The following FBXL7 variants were observed in gnomAD, a reference collection of about 807,000 sequenced individuals.
FBXL7 encodes the protein F-box/LRR-repeat protein 7.
Under a neutral mutation model 38.3 loss-of-function variants are expected in FBXL7, and 12 were observed. The observed-to-expected ratio is 0.31, with a 90% confidence interval of 0.20 to 0.51. The LOEUF (loss-of-function observed/expected upper bound fraction) is 0.51, where lower values mean the gene tolerates loss of function less well. FBXL7 is among the 20% of genes least tolerant of loss of function. The pLI is 0.98. For missense variants in FBXL7, 567 were observed against 676.4 expected (o/e 0.84, Z 1.79); for synonymous variants, 297 against 300.9 (o/e 0.99, Z 0.13).
chr5:15,778,686 A>G (rs1205270547), intron 2 of FBXL7, among the ~76,000 whole-genome samples: 1 of 152,094 alleles, frequency 6.6e-6, no homozygotes, highest in African/African-American at 2.4e-5. Context: ...AATCAGTCCA[A>G]GAAGGATCTT....
chr5:15,724,248 TC>T (rs898651614), intron 2 of FBXL7, among the ~76,000 whole-genome samples: 5 of 152,158 alleles, frequency 3.3e-5, no homozygotes, highest in Non-Finnish European at 5.9e-5. Context: ...GCTTAAAACT[TC>T]CTTTTTAAAA....
At chr5:15,589,126 C>T (rs140059623) in intron 1 of FBXL7, among the ~76,000 whole-genome samples, 61 of 152,240 alleles carry the variant, frequency 4.0e-4, no homozygotes, top group African/African-American at 1.4e-3. Context: ...TGCTCCTGAC[C>T]CAGCGTCTAG....
In FBXL7 at chr5:15,500,655, C is replaced by T. The variant is rs369996570; in HGVS notation, c.-22C>T. On this transcript the variant is annotated 5_prime_UTR_variant, in exon 1 of 4. In the 5' UTR this introduces an upstream ATG that the reference lacks. Coordinates refer to ENST00000504595, the MANE Select transcript of FBXL7 (RefSeq NM_012304.5). Reference sequence around the variant, plus strand: ...CGCAGCTATGGAGTGTCCCGGGAGACGGCGGGCATGACGGCTACAGGATGG... The same window carrying T: ...CGCAGCTATGGAGTGTCCCGGGAGATGGCGGGCATGACGGCTACAGGATGG... 3.3e-5 allele frequency: 54 copies of T among 1,613,304 alleles called. No individual in the cohort carries two copies. The Admixed American group carries it at 6.3e-4, about 19-fold the overall frequency.
At chr5:15,794,816 A>T (rs1192297798) in intron 2 of FBXL7, among the ~76,000 whole-genome samples, 1 of 152,162 alleles carries the variant, frequency 6.6e-6, no homozygotes, top group African/African-American at 2.4e-5. Flanking sequence ...TTTGCAACCT[A>T]ATAATAATGT....
chr5:15,756,979 A>C (rs1736314933), intron 2 of FBXL7, among the ~76,000 whole-genome samples: 1 of 152,196 alleles, frequency 6.6e-6, no homozygotes, highest in African/African-American at 2.4e-5. Context: ...CGGAAGAGTA[A>C]ATATGAAGGT....
At chr5:15,777,736 A>C (rs1423608477) in intron 2 of FBXL7, among the ~76,000 whole-genome samples, 1 of 144,978 alleles carries the variant, frequency 6.9e-6, no homozygotes, top group Admixed American at 6.9e-5. Context: ...AAAAAAAAAA[A>C]AAAAAAAAAA....
intron 2 of FBXL7, among the ~76,000 whole-genome samples, chr5:15,808,494 G>A (rs1579481251): frequency 1.3e-5 from 2 of 151,998 alleles, no homozygotes; most frequent in East Asian, 1.9e-4. Flanking sequence ...CGACACCATG[G>A]GCATGACTGT....
intron 2 of FBXL7, among the ~76,000 whole-genome samples, chr5:15,872,137 AT>A (rs1312120109): frequency 1.3e-5 from 2 of 152,220 alleles, no homozygotes; most frequent in African/African-American, 4.8e-5. Flanking sequence ...AATATTCAAC[AT>A]TCTTAAAAGA....
intron 2 of FBXL7, among the ~76,000 whole-genome samples, chr5:15,667,571 A>G (rs1742326191): frequency 6.6e-6 from 1 of 152,134 alleles, no homozygotes; most frequent in African/African-American, 2.4e-5. Context: ...TCTGTGTAAG[A>G]AAGTTGGTGG....
intron 2 of FBXL7, among the ~76,000 whole-genome samples, chr5:15,808,003 A>G (rs144496799): frequency 5.6e-4 from 86 of 152,280 alleles, no homozygotes; most frequent in Admixed American, 1.4e-3. Flanking sequence ...CTGCCTGTCC[A>G]CTGTCTTCCC....
intron 2 of FBXL7, among the ~76,000 whole-genome samples, chr5:15,768,876 T>A (rs1386603944): frequency 6.6e-6 from 1 of 152,254 alleles, no homozygotes; most frequent in Non-Finnish European, 1.5e-5. Context: ...AATGTGGGCA[T>A]TTTGATTCAT....
Position 15,551,994 on chromosome 5 carries a change from G to A in FBXL7, c.37+51281G>A, listed in dbSNP as rs922066770. Among the ~76,000 whole-genome samples, 12 of 152,220 alleles carry A rather than the reference G, an allele frequency of 7.9e-5. No individual in the cohort carries two copies. The South Asian group carries it at 8.3e-4, about 11-fold the overall frequency. On this transcript the variant is annotated intron_variant, in intron 1 of 3. Transcript: ENST00000504595. ...TTATAAACATGAAACAATGCATCCC[G>A]TTTTCCAAAGGGAAGAATGATTACT...
At chr5:15,605,138 A>G (rs1187267223) in intron 1 of FBXL7, among the ~76,000 whole-genome samples, 1 of 152,170 alleles carries the variant, frequency 6.6e-6, no homozygotes, top group Admixed American at 6.5e-5. Context: ...CTGACTCAGC[A>G]GTGGGACTGT....
rs188940432 is a variant in FBXL7 at position 15,539,805 on chromosome 5, T to G, written c.37+39092T>G. Among the ~76,000 whole-genome samples, 324 of 152,226 alleles carry G rather than the reference T, an allele frequency of 2.1e-3. 1 individual carries two copies. The highest frequency in any genetic ancestry group is 4.8e-3 in the Admixed American group (74 of 15,290). On this transcript the variant is annotated intron_variant, in intron 1 of 3. Coordinates refer to ENST00000504595, the MANE Select transcript of FBXL7 (RefSeq NM_012304.5). ...GTGGCACTCTGCGTTTAACTCAGGA[T>G]TATTCTTCTAAAAACTCTTTTTAAA...
At chr5:15,769,833 A>C (rs139776846) in intron 2 of FBXL7, among the ~76,000 whole-genome samples, 3 of 152,044 alleles carry the variant, frequency 2.0e-5, no homozygotes, top group African/African-American at 7.2e-5. Context: ...CAGTTTTGGG[A>C]ATCTTACTAT....
At chr5:15,927,794 G>GAAAGA (rs1170553966) in intron 2 of FBXL7, 96 bp from the exon 3 acceptor site, 10 of 603,940 alleles carry the variant, frequency 1.7e-5, no homozygotes, top group Non-Finnish European at 2.1e-5. Flanking sequence ...AAAAGAAGAA[G>GAAAGA]AAAGAAAAGA....
intron 1 of FBXL7, among the ~76,000 whole-genome samples, chr5:15,534,264 A>G (rs1211962523): frequency 6.6e-6 from 1 of 152,176 alleles, no homozygotes; most frequent in Non-Finnish European, 1.5e-5. Flanking sequence ...AGTGACATGA[A>G]TCTACCATTA....
chr5:15,647,619 C>G (rs1741572617), intron 2 of FBXL7, among the ~76,000 whole-genome samples: 1 of 152,146 alleles, frequency 6.6e-6, no homozygotes, highest in Non-Finnish European at 1.5e-5. Context: ...TACTTCTTTT[C>G]AATATTATGT....
chr5:15,938,007 T>C lies in FBXL7; in HGVS notation c.*821T>C, dbSNP rs887662192. 3.3e-5 allele frequency: 5 copies of C among 152,256 alleles called. No homozygotes were observed. Among genetic ancestry groups the C allele is most frequent in the African/African-American group, 1.2e-4 (5 of 41,454 alleles). The allele number at this position is 152,256 out of a possible 1,614,324, so 9.4% of individuals were successfully genotyped here. A position where few individuals can be genotyped will look rare whatever the true frequency, so the allele number is the denominator to read the frequency against. On this transcript the variant is annotated 3_prime_UTR_variant, in exon 4 of 4. Coordinates refer to ENST00000504595, the MANE Select transcript of FBXL7 (RefSeq NM_012304.5). ...AACTGATTCTGTGGATGGATGTGAT[T>C]TCAGGAGATTGTGCAGTGCCAGCAT... is the stretch of plus-strand genomic sequence containing the variant.
Sources: allele counts gnomAD v4.1 joint callset (sites outside exome capture counted in the v4.1 genomes callset), GRCh38; gene constraint gnomAD v4.1.1; transcripts MANE v1.5; gene names NCBI Gene and HGNC (gene_info 2026-07-23, HGNC 2026-07-21).